Variants in RASAL2 observed in about 807,000 individuals in gnomAD.
RASAL2 encodes the protein RAS protein activator like 2.
A neutral mutation model predicts 128.9 loss-of-function variants in RASAL2; 58 were observed. The ratio of observed to expected loss-of-function variants is 0.45; its 90% CI spans 0.36 to 0.56. RASAL2 has a LOEUF of 0.56. Among genes scored for constraint, RASAL2 ranks in the 20% least tolerant of loss-of-function variants. The probability of loss-of-function intolerance (pLI) is 0.00; values close to 1 mark genes in which losing one functional copy is unlikely to be tolerated. For missense variants in RASAL2, 1,360 were observed against 1,601.6 expected, an observed-to-expected ratio of 0.85 and a Z score of 2.57; for synonymous variants, 561 against 580.8, an observed-to-expected ratio of 0.97 and a Z score of 0.49.
chr1:178,358,237 TAAAAAAAAAAAAAAAAAAAAA>T (rs71567191), intron 3 of RASAL2, among the ~76,000 whole-genome samples: 1 of 34,770 alleles, frequency 2.9e-5, no homozygotes, highest in Non-Finnish European at 7.3e-5. Context: ...CTCTGTCTCC[TAAAAAAAAAAAAAAAAAAAAA>T]AAAAAAAAGG....
At chr1:178,430,569 A>G (rs527334936) in intron 5 of RASAL2, among the ~76,000 whole-genome samples, 9 of 152,200 alleles carry the variant, frequency 5.9e-5, no homozygotes, top group South Asian at 2.1e-4. Context: ...TGTGTCTACA[A>G]TCTTACTCCT....
intron 1 of RASAL2, among the ~76,000 whole-genome samples, chr1:178,173,438 T>G (rs762593459): frequency 1.3e-5 from 2 of 152,224 alleles, no homozygotes; most frequent in Admixed American, 6.5e-5. Context: ...AGCATTTGCC[T>G]TGGTGGAAAG....
chr1:178,362,362 A>C (rs1488038842), intron 3 of RASAL2, among the ~76,000 whole-genome samples: 1 of 152,110 alleles, frequency 6.6e-6, no homozygotes, highest in Non-Finnish European at 1.5e-5. Context: ...GGTCTATAAC[A>C]TGATGTTTTG....
rs76480422 is a variant in RASAL2, at chr1:178,187,173, A to G, written c.202+92479A>G. Among the ~76,000 whole-genome samples, 853 of 151,526 alleles carry G rather than the reference A, an allele frequency of 5.6e-3. 11 individuals are homozygous for G. Among genetic ancestry groups the G allele is most frequent in the African/African-American group, 0.019 (799 of 41,304 alleles). Reference sequence around the variant, plus strand: ...TTTCTCCTCCCTTTCTATTTTTTTCACCAGGGATTCCTTGATAACCTCCAT... The same window carrying G: ...TTTCTCCTCCCTTTCTATTTTTTTCGCCAGGGATTCCTTGATAACCTCCAT... On this transcript the variant is annotated intron_variant, in intron 1 of 17. Transcript: ENST00000367649.
At chr1:178,126,436 C>T (rs1226229426) in intron 1 of RASAL2, among the ~76,000 whole-genome samples, 2 of 152,152 alleles carry the variant, frequency 1.3e-5, no homozygotes. Context: ...AGACTCTGGC[C>T]ATATTGTTGT....
rs184149771 is a variant in RASAL2 at position 178,410,828 on chromosome 1, C to T, written c.565-9683C>T. ...ATCAAAACCACAATGAGATAACCAC[C>T]TTACTCCTGCAAGAATGGCCATAAT... On this transcript the variant is annotated intron_variant, in intron 4 of 17. Transcript: ENST00000367649. 2.9e-3 allele frequency among the ~76,000 whole-genome samples: 439 copies of T among 152,158 alleles called. 1 individual carries two copies. The highest frequency in any genetic ancestry group is 9.8e-3 in the African/African-American group (407 of 41,524).
chr1:178,097,230 G>A (rs780380048), intron 1 of RASAL2, among the ~76,000 whole-genome samples: 3 of 152,194 alleles, frequency 2.0e-5, no homozygotes, highest in Admixed American at 6.5e-5. Context: ...TTCTGGGCAG[G>A]TAGTTTTAAC....
At chr1:178,425,936 T>C (rs1446205228) in intron 5 of RASAL2, among the ~76,000 whole-genome samples, 1 of 152,132 alleles carries the variant, frequency 6.6e-6, no homozygotes, top group Non-Finnish European at 1.5e-5. Context: ...GTAAAACAGC[T>C]AGCAGTCTCT....
At chr1:178,457,649 C>T (rs1558005918) in intron 13 of RASAL2, 34 bp from the exon 14 acceptor site, 2 of 1,591,336 alleles carry the variant, frequency 1.3e-6, no homozygotes, top group Admixed American at 1.7e-5. Flanking sequence ...GAAGTTGTCT[C>T]AAGAGAAATT....
At chr1:178,281,647 A>G (rs374364349) in intron 1 of RASAL2, among the ~76,000 whole-genome samples, 2 of 152,188 alleles carry the variant, frequency 1.3e-5, no homozygotes, top group East Asian at 3.8e-4. Flanking sequence ...GCTAACTTAT[A>G]TAATAAAGCT....
intron 3 of RASAL2, among the ~76,000 whole-genome samples, chr1:178,330,758 A>T (rs1301010551): frequency 1.3e-5 from 2 of 152,130 alleles, no homozygotes; most frequent in Non-Finnish European, 2.9e-5. Flanking sequence ...ACTATGTCAA[A>T]TGGGGGGTGA....
intron 1 of RASAL2, among the ~76,000 whole-genome samples, chr1:178,125,954 G>C (rs1558067631): frequency 6.6e-6 from 1 of 152,170 alleles, no homozygotes; most frequent in Non-Finnish European, 1.5e-5. Context: ...AGGAGCAAGG[G>C]CTGGTGCTAG....
chr1:178,292,234 T>C (rs148876570), intron 2 of RASAL2, among the ~76,000 whole-genome samples: 1 of 152,332 alleles, frequency 6.6e-6, no homozygotes, highest in African/African-American at 2.4e-5. Flanking sequence ...AAAAGGGTTC[T>C]GTAAGGATTT....
At chr1:178,221,481 T>A (rs1187898843) in intron 1 of RASAL2, among the ~76,000 whole-genome samples, 2 of 152,164 alleles carry the variant, frequency 1.3e-5, no homozygotes, top group Non-Finnish European at 2.9e-5. Context: ...TTACTTAGTT[T>A]GCAATATATT....
At chr1:178,094,758 C>G in intron 1 of RASAL2, 64 bp downstream of exon 1, 2 of 1,580,356 alleles carry the variant, frequency 1.3e-6, no homozygotes, top group Non-Finnish European at 1.7e-6. Context: ...GAAATTCATT[C>G]CCTAAGTCAC....
At chr1:178,217,056 A>G (rs985818904) in intron 1 of RASAL2, among the ~76,000 whole-genome samples, 8 of 150,974 alleles carry the variant, frequency 5.3e-5, no homozygotes, top group Non-Finnish European at 7.4e-5. Flanking sequence ...GCTCACTGCA[A>G]CCTCCACCTC....
chr1:178,355,271 A>G (rs1223719451), intron 3 of RASAL2, among the ~76,000 whole-genome samples: 2 of 152,212 alleles, frequency 1.3e-5, no homozygotes, highest in Non-Finnish European at 2.9e-5. Context: ...ACAAAGTGGT[A>G]TTAGTGTTAG....
intron 1 of RASAL2, among the ~76,000 whole-genome samples, chr1:178,138,706 A>G (rs138771707): frequency 3.9e-5 from 6 of 152,176 alleles, no homozygotes; most frequent in African/African-American, 1.4e-4. Flanking sequence ...GTGACAGTAG[A>G]CATGAAGTTA....
intron 1 of RASAL2, among the ~76,000 whole-genome samples, chr1:178,155,927 C>A (rs967720278): frequency 2.6e-5 from 4 of 152,292 alleles, no homozygotes; most frequent in African/African-American, 7.2e-5. Context: ...TTTATAGTTT[C>A]CAGAAACCTG....
Sources: gnomAD v4.1 joint callset for allele counts (sites outside exome capture counted in the v4.1 genomes callset) on GRCh38, gnomAD v4.1.1 for gene constraint, MANE v1.5 for transcripts, NCBI Gene and HGNC (gene_info 2026-07-23, HGNC 2026-07-21) for gene names.